NALF1: variants seen among roughly 807,000 people sequenced by gnomAD.
NALF1 encodes NALCN channel auxiliary factor 1.
A neutral mutation model predicts 48.4 loss-of-function variants in NALF1; 3 were observed. The ratio of observed to expected loss-of-function variants is 0.06; its 90% confidence interval spans 0.03 to 0.16. The LOEUF is 0.16. NALF1 is among the 10% of genes least tolerant of loss of function. The probability of loss-of-function intolerance (pLI) is 1.00; values close to 1 mark genes in which losing one functional copy is unlikely to be tolerated. For synonymous variants in NALF1, 262 were observed against 245.7 expected, an observed-to-expected ratio of 1.07 and a Z score of -0.62; for missense variants, 526 against 571.5, an observed-to-expected ratio of 0.92 and a Z score of 0.81.
intron 2 of NALF1, among the ~76,000 whole-genome samples, chr13:107,191,219 G>A (rs1323452802): frequency 6.6e-6 from 1 of 151,660 alleles, no homozygotes; most frequent in Non-Finnish European, 1.5e-5. Flanking sequence ...AACCTATAAG[G>A]TTTCGACATA....
intron 1 of NALF1, among the ~76,000 whole-genome samples, chr13:107,245,895 G>A (rs1446196812): frequency 6.6e-6 from 1 of 151,994 alleles, no homozygotes; most frequent in Non-Finnish European, 1.5e-5. Flanking sequence ...ATCCTGAATG[G>A]AGTGTGCATG....
At chr13:107,241,497 T>C (rs187055902) in intron 1 of NALF1, among the ~76,000 whole-genome samples, 2 of 152,316 alleles carry the variant, frequency 1.3e-5, no homozygotes, top group African/African-American at 2.4e-5. Context: ...CCTGGCTCAG[T>C]AGCCCATTAG....
At chr13:107,680,093 A>G (rs11069698) in intron 1 of NALF1, among the ~76,000 whole-genome samples, 78,962 of 151,908 alleles carry the variant, frequency 0.52, 21,943 homozygotes, top group Middle Eastern at 0.65. Context: ...CCAGGTGCCC[A>G]TGTGCCCAGG....
intron 1 of NALF1, among the ~76,000 whole-genome samples, chr13:107,329,267 T>C (rs1882422985): frequency 6.6e-6 from 1 of 152,214 alleles, no homozygotes; most frequent in Non-Finnish European, 1.5e-5. Flanking sequence ...GCAGTAAAGT[T>C]TGATTTAATA....
At chr13:107,407,065 T>C (rs1472710898) in intron 1 of NALF1, among the ~76,000 whole-genome samples, 1 of 152,006 alleles carries the variant, frequency 6.6e-6, no homozygotes, top group Non-Finnish European at 1.5e-5. Context: ...GATAGCCATA[T>C]ACAGAAGAAT....
intron 1 of NALF1, among the ~76,000 whole-genome samples, chr13:107,374,723 G>A (rs1883306588): frequency 6.6e-6 from 1 of 152,102 alleles, no homozygotes; most frequent in Non-Finnish European, 1.5e-5. Context: ...TGAGGCCAGA[G>A]TCCTCATGAA....
intron 1 of NALF1, among the ~76,000 whole-genome samples, chr13:107,258,625 G>A (rs1039642067): frequency 5.3e-5 from 8 of 152,048 alleles, no homozygotes; most frequent in African/African-American, 1.9e-4. Flanking sequence ...AATCCATCAC[G>A]GTGATGCAGA....
At chr13:107,791,409 C>T (rs1183922165) in intron 1 of NALF1, among the ~76,000 whole-genome samples, 3 of 152,056 alleles carry the variant, frequency 2.0e-5, no homozygotes, top group African/African-American at 4.8e-5. Context: ...AGTGATTACT[C>T]CTGGGGCATG....
chr13:107,224,088 A>T (rs1202613878), intron 1 of NALF1, among the ~76,000 whole-genome samples: 2 of 152,222 alleles, frequency 1.3e-5, no homozygotes, highest in East Asian at 3.9e-4. Flanking sequence ...ATTATTGAAA[A>T]CTATAATCAA....
chr13:107,395,690 C>A (rs183573564), intron 1 of NALF1, among the ~76,000 whole-genome samples: 1 of 152,124 alleles, frequency 6.6e-6, no homozygotes, highest in Non-Finnish European at 1.5e-5. Context: ...AATTAATTTT[C>A]TAACAGTTCT....
chr13:107,384,504 T>C (rs115781416), intron 1 of NALF1, among the ~76,000 whole-genome samples: 5,704 of 152,264 alleles, frequency 0.037, 175 homozygotes, highest in African/African-American at 0.08. Flanking sequence ...GGTGGTTTTT[T>C]TTATTTTTTT....
intron 1 of NALF1, among the ~76,000 whole-genome samples, chr13:107,392,835 C>T (rs1485267025): frequency 1.3e-5 from 2 of 152,076 alleles, no homozygotes; most frequent in African/African-American, 4.8e-5. Context: ...GTGTGACCTA[C>T]AGTCTTAGTT....
In NALF1 at chr13:107,210,564, A is replaced by T; in HGVS notation, c.1087+20T>A. On this transcript the variant is annotated intron_variant, in intron 2 of 2. Transcript: ENST00000375915. ...AAAACCACCGGAGACTGGTGTACAG[A>T]CTCCCACCCGGCACTGTACCTGTAC... 1.3e-6 allele frequency: 2 copies of T among 1,568,748 alleles called. No homozygotes were observed. The highest frequency in any genetic ancestry group is 1.8e-6 in the Non-Finnish European group (2 of 1,139,708).
intron 1 of NALF1, among the ~76,000 whole-genome samples, chr13:107,710,613 T>A (rs906573130): frequency 6.6e-6 from 1 of 151,914 alleles, no homozygotes; most frequent in African/African-American, 2.4e-5. Context: ...TGCTACACTT[T>A]TAAACCCTCA....
In NALF1 at chr13:107,866,141, C is replaced by A; in HGVS notation, c.456G>T (p.Arg152=). The change falls in exon 1 of 3, where the codon CGG becomes CGT. Residue 152 remains arginine, a synonymous_variant. Transcript: ENST00000375915. This position sits in a 1 kb window ranked among gnomAD's most constrained non-coding sequence, Gnocchi z 4.4. ...AGTTTCCTAGAAAAAGAGCCTTGCC[C>A]CGGTCGTCTTTGCCTCGGTTGCCCT... is the stretch of plus-strand genomic sequence containing the variant. The part of the protein sequence containing the change: ...GGKGNRGKDD[R]GKALFLGNSA... 1 of 1,611,278 alleles carries A rather than the reference C, an allele frequency of 6.2e-7. No individual in the cohort carries two copies. The highest frequency in any genetic ancestry group is 8.5e-7 in the Non-Finnish European group (1 of 1,179,268).
intron 1 of NALF1, among the ~76,000 whole-genome samples, chr13:107,684,132 G>A (rs750524712): frequency 2.6e-5 from 4 of 152,128 alleles, no homozygotes; most frequent in Non-Finnish European, 4.4e-5. Flanking sequence ...GCTCCCAAAC[G>A]CAGAATCCAC....
chr13:107,430,151 C>T (rs914251136), intron 1 of NALF1, among the ~76,000 whole-genome samples: 1 of 152,146 alleles, frequency 6.6e-6, no homozygotes, highest in African/African-American at 2.4e-5. Context: ...TGTATCCAAA[C>T]ATCCGAATAC....
intron 1 of NALF1, among the ~76,000 whole-genome samples, chr13:107,706,918 C>CTTT (rs34091754): frequency 0.027 from 2,774 of 101,094 alleles, 115 homozygotes; most frequent in East Asian, 0.12. Flanking sequence ...CAAGGGCATT[C>CTTT]TTTTTTTTTT....
intron 1 of NALF1, among the ~76,000 whole-genome samples, chr13:107,519,872 C>A (rs966428669): frequency 6.6e-6 from 1 of 152,134 alleles, no homozygotes; most frequent in African/African-American, 2.4e-5. Context: ...TCAGTTAATT[C>A]TAGAGATAGT....
Sources: allele counts gnomAD v4.1 joint callset (sites outside exome capture counted in the v4.1 genomes callset), GRCh38; gene constraint gnomAD v4.1.1; non-coding constraint Gnocchi (gnomAD v3.1); transcripts MANE v1.5; gene names NCBI Gene and HGNC (gene_info 2026-07-23, HGNC 2026-07-21).